Variants in EYS observed in about 807,000 individuals in gnomAD.
EYS encodes the protein protein eyes shut homolog.
EYS carries 250 observed loss-of-function variants against 282.1 expected under a neutral mutation model. That is an observed-to-expected ratio of 0.89 (90% CI 0.80 to 0.98). The LOEUF is 0.98. Ranked by LOEUF, EYS falls within the 50% of genes least tolerant of loss-of-function variation. EYS has a pLI of 0.00. For missense variants in EYS, 4,016 were observed against 3,709.0 expected, an observed-to-expected ratio of 1.08 and a Z score of -2.15; for synonymous variants, 1,355 against 1,282.9, an observed-to-expected ratio of 1.06 and a Z score of -1.20.
At chr6:65,672,063 T>C (rs1463256417) in intron 1 of EYS, among the ~76,000 whole-genome samples, 1 of 152,122 alleles carries the variant, frequency 6.6e-6, no homozygotes, top group African/African-American at 2.4e-5. Context: ...ATGCTCTAGA[T>C]GCTTGAGGAT....
intron 41 of EYS, 53 bp from the exon 42 acceptor site, chr6:63,726,733 C>A: frequency 6.9e-7 from 1 of 1,450,376 alleles, no homozygotes; most frequent in Non-Finnish European, 9.4e-7. Context: ...GATTAAAAAA[C>A]ATTGCTCATA....
At chr6:64,329,649 A>T (rs775488792) in intron 29 of EYS, among the ~76,000 whole-genome samples, 11 of 152,158 alleles carry the variant, frequency 7.2e-5, no homozygotes, top group Non-Finnish European at 1.0e-4. Flanking sequence ...TCACAATCCC[A>T]TTCCAGCAGA....
intron 22 of EYS, among the ~76,000 whole-genome samples, chr6:64,651,458 T>C (rs1457542247): frequency 6.6e-6 from 1 of 152,006 alleles, no homozygotes; most frequent in Non-Finnish European, 1.5e-5. Context: ...GAAGAGAGAA[T>C]ATGAAAGATA....
chr6:64,684,845 C>T (rs554132787), intron 22 of EYS, among the ~76,000 whole-genome samples: 1 of 151,818 alleles, frequency 6.6e-6, no homozygotes, highest in African/African-American at 2.4e-5. Context: ...TTTCAGTTAA[C>T]TGAAAAGAAG....
intron 12 of EYS, among the ~76,000 whole-genome samples, chr6:65,278,350 C>CTATATATAGAATCTATA (rs1487650399): frequency 3.5e-5 from 5 of 144,568 alleles, no homozygotes; most frequent in Admixed American, 2.8e-4. Flanking sequence ...TCTATATATT[C>CTATATATAGAATCTATA]TATATATAGA....
chr6:64,810,186 A>G (rs560587775), intron 22 of EYS, among the ~76,000 whole-genome samples: 9 of 152,206 alleles, frequency 5.9e-5, no homozygotes, highest in African/African-American at 2.2e-4. Flanking sequence ...ATGACACCAC[A>G]TATTTTGAAT....
At chr6:65,618,066 C>T (rs199589488) in intron 2 of EYS, among the ~76,000 whole-genome samples, 48,641 of 150,504 alleles carry the variant, frequency 0.32, 7,177 homozygotes, top group Non-Finnish European at 0.45. Context: ...GGGTATATAC[C>T]CAGTAATGGG....
chr6:64,670,678 G>T (rs923900166), intron 22 of EYS, among the ~76,000 whole-genome samples: 1 of 152,152 alleles, frequency 6.6e-6, no homozygotes, highest in Admixed American at 6.5e-5. Flanking sequence ...ACTACCCTTC[G>T]TCTGCTAACA....
chr6:63,865,250 C>T (rs926301990), intron 35 of EYS, among the ~76,000 whole-genome samples: 4 of 152,098 alleles, frequency 2.6e-5, no homozygotes, highest in African/African-American at 9.7e-5. Flanking sequence ...TGTGCCTGTC[C>T]AGAGGGAAGA....
At chr6:65,623,638 G>T (rs1158931691) in intron 2 of EYS, among the ~76,000 whole-genome samples, 1 of 152,124 alleles carries the variant, frequency 6.6e-6, no homozygotes, top group Non-Finnish European at 1.5e-5. Context: ...GGTTAGCCTG[G>T]ATTTGCCATT....
At chr6:63,982,392 G>A (rs1467332158) in intron 35 of EYS, among the ~76,000 whole-genome samples, 1 of 151,742 alleles carries the variant, frequency 6.6e-6, no homozygotes, top group Non-Finnish European at 1.5e-5. Context: ...AGGCTTGACT[G>A]GGGAAAGGGC....
intron 1 of EYS, among the ~76,000 whole-genome samples, chr6:65,663,866 CTTTTTTTTT>C (rs66999581): frequency 1.3e-5 from 1 of 75,920 alleles, no homozygotes; most frequent in East Asian, 3.9e-4. Flanking sequence ...TTTTTCTTTT[CTTTTTTTTT>C]TTTTTTTTTT....
At chr6:64,921,581 G>A (rs370690642) in intron 15 of EYS, among the ~76,000 whole-genome samples, 4 of 152,190 alleles carry the variant, frequency 2.6e-5, no homozygotes, top group Non-Finnish European at 5.9e-5. Context: ...TAGTCAAGCC[G>A]GAGTCCAAGT....
At chr6:65,086,406 C>A (rs1774376224) in intron 12 of EYS, among the ~76,000 whole-genome samples, 1 of 152,180 alleles carries the variant, frequency 6.6e-6, no homozygotes, top group Middle Eastern at 3.4e-3. Flanking sequence ...GCTACTGCTG[C>A]ATATGTTTGG....
chr6:64,739,582 T>C (rs1055996095), intron 22 of EYS, among the ~76,000 whole-genome samples: 7 of 152,204 alleles, frequency 4.6e-5, no homozygotes, highest in African/African-American at 1.4e-4. Context: ...AAATTTATTT[T>C]CTCTATATCC....
intron 11 of EYS, among the ~76,000 whole-genome samples, chr6:65,321,771 A>C (rs567721951): frequency 6.6e-6 from 1 of 152,290 alleles, no homozygotes; most frequent in South Asian, 2.1e-4. Context: ...ATGTTGTGTG[A>C]GCTGGTAGGG....
At chr6:64,391,866 G>A (rs1199150214) in intron 28 of EYS, among the ~76,000 whole-genome samples, 1 of 152,172 alleles carries the variant, frequency 6.6e-6, no homozygotes, top group Non-Finnish European at 1.5e-5. Context: ...TCAGTGTGCT[G>A]TATTCAGAAA....
At chr6:65,049,140 A>T (rs1773192398) in intron 13 of EYS, among the ~76,000 whole-genome samples, 1 of 151,908 alleles carries the variant, frequency 6.6e-6, no homozygotes, top group African/African-American at 2.4e-5. Context: ...AAAAAATCAA[A>T]TTCTACTTTA....
Position 64,946,147 on chromosome 6 carries a change from G to C in EYS, c.2260-233C>G, listed in dbSNP as rs149176961. 8.6e-3 allele frequency among the ~76,000 whole-genome samples: 1,309 copies of C among 151,880 alleles called. 18 individuals are homozygous for C. The highest frequency in any genetic ancestry group is 0.03 in the African/African-American group (1,246 of 41,440). On this transcript the variant is annotated intron_variant, in intron 14 of 42. Coordinates refer to ENST00000503581, the MANE Select transcript of EYS (RefSeq NM_001142800.2). ...TAGTAAGTCAATAGATTCTACAGAA[G>C]GTATTAAAGATTTATGCATTATGCT...
Sources: allele counts gnomAD v4.1 joint callset (sites outside exome capture counted in the v4.1 genomes callset), GRCh38; gene constraint gnomAD v4.1.1; transcripts MANE v1.5; gene names NCBI Gene and HGNC (gene_info 2026-07-23, HGNC 2026-07-21).